Variants in OR8D1 observed in about 807,000 individuals in gnomAD.
OR8D1 encodes olfactory receptor 8D1.
For missense variants in OR8D1, 384 were observed against 366.8 expected (o/e 1.05, Z -0.38); for synonymous variants, 143 against 147.0 (o/e 0.97, Z 0.20).
At position 124,304,768 on chromosome 11, in the gene OR8D1, G is replaced by A. The variant is rs1359070821; in HGVS notation, c.*5072C>T. ...CTCATTTTTTTAATAATTGGTTGTA[G>A]GAATTATTTATAAAAGTTGGATATA... On this transcript the variant is annotated 3_prime_UTR_variant, in exon 3 of 3. Transcript: ENST00000641015. 6.6e-6 allele frequency: 1 copy of A among 151,650 alleles called. No homozygotes were observed. Among genetic ancestry groups the A allele is most frequent in the Non-Finnish European group, 1.5e-5 (1 of 67,838 alleles). The allele number at this position is 151,650 out of a possible 1,614,324, so 9.4% of individuals were successfully genotyped here.
In OR8D1 at chr11:124,307,858, A is replaced by C. The variant is rs1023034014; in HGVS notation, c.*1982T>G. On this transcript the variant is annotated 3_prime_UTR_variant, in exon 3 of 3. Transcript: ENST00000641015. ...TTTGTTAAATGTATAAGTTCTGAGC[A>C]GGGCTACAAATACCCATCTTCTAAA... 6.6e-6 allele frequency: 1 copy of C among 152,114 alleles called. No individual in the cohort carries two copies. Among genetic ancestry groups the C allele is most frequent in the African/African-American group, 2.4e-5 (1 of 41,446 alleles). The allele number at this position is 152,114 out of a possible 1,614,324, so 9.4% of individuals were successfully genotyped here. A position where few individuals can be genotyped will look rare whatever the true frequency, so the allele number is the denominator to read the frequency against.
At position 124,310,207 on chromosome 11, in the gene OR8D1, A is replaced by T; in HGVS notation, c.560T>A (p.Leu187His). Reference protein sequence around the residue: ...YFCDVLPLLNLSCSNTHLNEL... With the variant: ...YFCDVLPLLNHSCSNTHLNEL... ...ATTGAGGTGTGTGTTGGAGCAGGAGAGATTGAGGAGGGGAAGAACATCACA... is the reference window on the plus strand; with the variant it reads ...ATTGAGGTGTGTGTTGGAGCAGGAGTGATTGAGGAGGGGAAGAACATCACA... Residue 187 changes from leucine to histidine, a missense_variant, in exon 3 of 3, where the codon CTC becomes CAC. Leu to His is a moderately conservative substitution (Grantham distance 99). Coordinates refer to ENST00000641015, the MANE Select transcript of OR8D1 (RefSeq NM_001002917.2). 1 of 1,613,762 alleles carries T rather than the reference A, an allele frequency of 6.2e-7. No homozygotes were observed. Among genetic ancestry groups the T allele is most frequent in the Non-Finnish European group, 8.5e-7 (1 of 1,179,890 alleles).
At chr11:124,312,573 A>C (rs1481195482) in intron 1 of OR8D1, among the ~76,000 whole-genome samples, 1 of 146,586 alleles carries the variant, frequency 6.8e-6, no homozygotes, top group Non-Finnish European at 1.5e-5. Context: ...GCTGGAGTGC[A>C]ATGGCGCCAT....
rs919246274 is a variant in OR8D1, at chr11:124,308,580, G to A, written c.*1260C>T. Reference sequence around the variant, plus strand: ...AGCTAAAGGTAGACAAGCTTTGTTAGAACAGTAGGATTTTGGTAGATACAA... The same window carrying A: ...AGCTAAAGGTAGACAAGCTTTGTTAAAACAGTAGGATTTTGGTAGATACAA... On this transcript the variant is annotated 3_prime_UTR_variant, in exon 3 of 3. Transcript: ENST00000641015. 1.3e-5 allele frequency: 2 copies of A among 152,076 alleles called. No individual in the cohort carries two copies. Among genetic ancestry groups the A allele is most frequent in the African/African-American group, 4.8e-5 (2 of 41,436 alleles). The allele number at this position is 152,076 out of a possible 1,614,324, so 9.4% of individuals were successfully genotyped here.
chr11:124,312,779 A>G (rs1420114796), intron 1 of OR8D1, among the ~76,000 whole-genome samples: 2 of 151,680 alleles, frequency 1.3e-5, no homozygotes, highest in African/African-American at 4.8e-5. Context: ...CGGCCTCCCA[A>G]AGTGCTGGGA....
Position 124,307,949 on chromosome 11 carries a change from A to G in OR8D1, c.*1891T>C, listed in dbSNP as rs549674306. On this transcript the variant is annotated 3_prime_UTR_variant, in exon 3 of 3. Coordinates refer to ENST00000641015, the MANE Select transcript of OR8D1 (RefSeq NM_001002917.2). ...GAACCAAAAAATAAAAAATAAAAAT[A>G]AAAATAACGGGGGAAGAGGGTCTTA... The G allele has an allele frequency of 1.3e-5, 2 of 152,164 alleles. No homozygotes were observed. Among genetic ancestry groups the G allele is most frequent in the Admixed American group, 6.6e-5 (1 of 15,242 alleles). The allele number at this position is 152,164 out of a possible 1,614,324, so 9.4% of individuals were successfully genotyped here.
In OR8D1 at chr11:124,310,470, G is replaced by A; in HGVS notation, c.297C>T (p.Val99=). The change falls in exon 3 of 3, where the codon GTC becomes GTT. Residue 99 remains valine (V), a synonymous_variant. Transcript: ENST00000641015. The part of the protein sequence containing the change: ...KNTILYSECM[V]QLFFFVVFVV... The stretch of plus-strand genomic sequence containing the variant: ...CAAAGACCACAAAGAAAAAGAGCTG[G>A]ACCATGCACTCAGAGTAAAGGATTG... The A allele has an allele frequency of 6.2e-7, 1 of 1,613,722 alleles. No homozygotes were observed.
rs1862399881 is a variant in OR8D1, at chr11:124,309,644, AG to A, written c.*195del. 1 of 350,152 alleles carries A rather than the reference AG, an allele frequency of 2.9e-6. No individual in the cohort carries two copies. 21.7% of individuals were successfully genotyped at this position (350,152 alleles called of 1,614,324 possible). On this transcript the variant is annotated 3_prime_UTR_variant, in exon 3 of 3. Coordinates refer to ENST00000641015, the MANE Select transcript of OR8D1 (RefSeq NM_001002917.2). ...CCTAGACCTTAGTTTTCCTATCAAA[AG>A]ATAAGAATGTTAATACCTGCTTTAC... is the stretch of plus-strand genomic sequence containing the variant.
intron 1 of OR8D1, among the ~76,000 whole-genome samples, chr11:124,311,890 CTA>C (rs920774003): frequency 2.0e-5 from 3 of 152,100 alleles, no homozygotes; most frequent in African/African-American, 7.2e-5. Context: ...CTTCCAATGT[CTA>C]TTTGACAACA....
intron 2 of OR8D1, 93 bp from the exon 3 acceptor site, chr11:124,310,875 A>G (rs1271022367): frequency 2.7e-6 from 2 of 731,162 alleles, no homozygotes; most frequent in South Asian, 1.8e-5. Context: ...GACAGCAGCT[A>G]ACAGACTGAG....
chr11:124,310,141 A>G lies in OR8D1; in HGVS notation c.626T>C (p.Val209Ala). The change falls in exon 3 of 3, where the codon GTG becomes GCG. Residue 209 changes from valine to alanine, a missense_variant. Physicochemically the swap from Val to Ala is moderately conservative, Grantham distance 64. Coordinates refer to ENST00000641015, the MANE Select transcript of OR8D1 (RefSeq NM_001002917.2). Reference protein sequence around the residue: ...LFIIAGFNTLVPTLAVAVSYA... With the variant: ...LFIIAGFNTLAPTLAVAVSYA... ...GGAGACAGCAACAGCTAGGGTGGGC[A>G]CCAAGGTGTTAAACCCCGCAATGAT... is the stretch of plus-strand genomic sequence containing the variant. 6.2e-7 allele frequency: 1 copy of G among 1,613,738 alleles called. No individual in the cohort carries two copies. Among genetic ancestry groups the G allele is most frequent in the South Asian group, 1.1e-5 (1 of 91,070 alleles).
rs1332856739 is a variant in OR8D1, at chr11:124,306,467, T to C, written c.*3373A>G. 1.3e-5 allele frequency: 2 copies of C among 150,638 alleles called. No individual in the cohort carries two copies. Among genetic ancestry groups the C allele is most frequent in the Admixed American group, 6.7e-5 (1 of 15,018 alleles). 9.3% of individuals were successfully genotyped at this position (150,638 alleles called of 1,614,324 possible). ...CTTTTCTATGGGATATTAATCTTTT[T>C]TGTATTAACTTCAAATCACCATTTA... is the stretch of plus-strand genomic sequence containing the variant. On this transcript the variant is annotated 3_prime_UTR_variant, in exon 3 of 3. Coordinates refer to ENST00000641015, the MANE Select transcript of OR8D1 (RefSeq NM_001002917.2).
chr11:124,306,379 A>ATATATATAATGAATAT lies in OR8D1; in HGVS notation c.*3445_*3460dup, dbSNP rs1183007160. 2 of 148,580 alleles carry ATATATATAATGAATAT rather than the reference A, an allele frequency of 1.3e-5. No homozygotes were observed. Among genetic ancestry groups the ATATATATAATGAATAT allele is most frequent in the African/African-American group, 2.4e-5 (1 of 40,886 alleles). The allele number at this position is 148,580 out of a possible 1,614,324, so 9.2% of individuals were successfully genotyped here. A position where few individuals can be genotyped will look rare whatever the true frequency, so the allele number is the denominator to read the frequency against. ...GTTGACCAAGTTTAATAGCTACTAT[A>ATATATATAATGAATAT]TATATATAATGAATATTATATATAT... On this transcript the variant is annotated 3_prime_UTR_variant, in exon 3 of 3. Coordinates refer to ENST00000641015, the MANE Select transcript of OR8D1 (RefSeq NM_001002917.2).
chr11:124,305,122 T>A lies in OR8D1; in HGVS notation c.*4718A>T, dbSNP rs1425517060. 1 of 151,872 alleles carries A rather than the reference T, an allele frequency of 6.6e-6. No homozygotes were observed. The highest frequency in any genetic ancestry group is 1.5e-5 in the Non-Finnish European group (1 of 67,876). The allele number at this position is 151,872 out of a possible 1,614,324, so 9.4% of individuals were successfully genotyped here. A position where few individuals can be genotyped will look rare whatever the true frequency, so the allele number is the denominator to read the frequency against. ...AACAATCTGTTGAACAGATTTTCTT[T>A]TCCTCATTGATTTCCATCAGTGCGT... On this transcript the variant is annotated 3_prime_UTR_variant, in exon 3 of 3. Coordinates refer to ENST00000641015, the MANE Select transcript of OR8D1 (RefSeq NM_001002917.2).
chr11:124,310,481 CAG>C lies in OR8D1; in HGVS notation c.284_285del (p.Ser95Ter). ...AAGAAAAAGAGCTGGACCATGCACT[CAG>C]AGTAAAGGATTGTATTCTTCTTTCC... ...FLGKKNTILYSECMVQLFFFV... is the reference protein window; with the variant it reads ...FLGKKNTILYXECMVQLFFFV... On this transcript the variant is annotated frameshift_variant, in exon 3 of 3. Coordinates refer to ENST00000641015, the MANE Select transcript of OR8D1 (RefSeq NM_001002917.2). LOFTEE classifies it low-confidence loss of function (END_TRUNC). The C allele has an allele frequency of 6.2e-7, 1 of 1,613,762 alleles. No homozygotes were observed. The highest frequency in any genetic ancestry group is 8.5e-7 in the Non-Finnish European group (1 of 1,179,918).
In OR8D1 at chr11:124,302,982, T is replaced by C. The variant is rs1862337123; in HGVS notation, c.*6858A>G. 1 of 152,032 alleles carries C rather than the reference T, an allele frequency of 6.6e-6. No individual in the cohort carries two copies. Among genetic ancestry groups the C allele is most frequent in the South Asian group, 2.1e-4 (1 of 4,828 alleles). The allele number at this position is 152,032 out of a possible 1,614,324, so 9.4% of individuals were successfully genotyped here. Reference sequence around the variant, plus strand: ...TCTCCTGATTTACTCATGAACTCCTTACTAGGAAGGAATAAGGAGACCAAA... The same window carrying C: ...TCTCCTGATTTACTCATGAACTCCTCACTAGGAAGGAATAAGGAGACCAAA... On this transcript the variant is annotated 3_prime_UTR_variant, in exon 3 of 3. Coordinates refer to ENST00000641015, the MANE Select transcript of OR8D1 (RefSeq NM_001002917.2).
intron 2 of OR8D1, 36 bp from the exon 3 acceptor site, chr11:124,310,818 G>C (rs1002687101): frequency 2.2e-6 from 3 of 1,394,360 alleles, no homozygotes; most frequent in African/African-American, 2.8e-5. Flanking sequence ...CCTTAACATG[G>C]ACCCTCACTG....
At position 124,310,741 on chromosome 11, in the gene OR8D1, GCCATAGAATAATTTT is replaced by G. The variant is rs747331322; in HGVS notation, c.11_25del (p.Glu4_Met8del). ...TAAACCATCTAAGACAAACTGAGCT[GCCATAGAATAATTTT>G]CCATGGTCATTCTTCTTTAGGCATT... On this transcript the variant is annotated inframe_deletion, in exon 3 of 3. Transcript: ENST00000641015. The G allele has an allele frequency of 2.5e-6, 4 of 1,611,354 alleles. No individual in the cohort carries two copies. The South Asian group carries it at 4.4e-5, about 18-fold the overall frequency.
intron 1 of OR8D1, among the ~76,000 whole-genome samples, chr11:124,313,360 AAAG>A (rs1862440451): frequency 6.6e-6 from 1 of 151,888 alleles, no homozygotes; most frequent in African/African-American, 2.4e-5. Flanking sequence ...AAAAAGAAAA[AAAG>A]AAAGAAATTT....
Sources: allele counts gnomAD v4.1 joint callset (sites outside exome capture counted in the v4.1 genomes callset), GRCh38; gene constraint gnomAD v4.1.1; transcripts MANE v1.5; gene names NCBI Gene and HGNC (gene_info 2026-07-23, HGNC 2026-07-21).